The following PDE8B variants were observed in gnomAD, a reference collection of about 807,000 sequenced individuals.
PDE8B encodes high affinity cAMP-specific and IBMX-insensitive 3',5'-cyclic phosphodiesterase 8B.
A neutral mutation model predicts 101.3 loss-of-function variants in PDE8B; 26 were observed. The observed-to-expected ratio is 0.26, with a 90% CI of 0.19 to 0.36. PDE8B has a LOEUF of 0.36. PDE8B is among the 10% of genes least tolerant of loss of function. The pLI, the probability that PDE8B is intolerant of heterozygous loss-of-function variation, is 1.00. For missense variants in PDE8B, 810 were observed against 1,163.1 expected, an observed-to-expected ratio of 0.70 and a Z score of 4.42; for synonymous variants, 424 against 429.3, an observed-to-expected ratio of 0.99 and a Z score of 0.15.
chr5:77,296,190 C>T (rs1768522968), intron 1 of PDE8B, among the ~76,000 whole-genome samples: 1 of 151,496 alleles, frequency 6.6e-6, no homozygotes, highest in Non-Finnish European at 1.5e-5. Flanking sequence ...TTTTTTTCTT[C>T]TTTCTCTCCC....
At chr5:77,399,615 T>A (rs1791820504) in intron 10 of PDE8B, among the ~76,000 whole-genome samples, 2 of 152,216 alleles carry the variant, frequency 1.3e-5, no homozygotes, top group South Asian at 4.1e-4. Flanking sequence ...GAAAGCACAC[T>A]TATTATTTCT....
At chr5:77,400,671 A>G (rs982785588) in intron 11 of PDE8B, among the ~76,000 whole-genome samples, 7 of 152,160 alleles carry the variant, frequency 4.6e-5, no homozygotes, top group African/African-American at 1.7e-4. Flanking sequence ...CTTTGCACTA[A>G]TTGGTGACTG....
intron 10 of PDE8B, among the ~76,000 whole-genome samples, chr5:77,362,658 G>A (rs1330511967): frequency 6.6e-6 from 1 of 152,154 alleles, no homozygotes; most frequent in African/African-American, 2.4e-5. Flanking sequence ...ACCATCATCA[G>A]GCATCTTTGA....
At chr5:77,286,626 G>A (rs2149894643) in intron 1 of PDE8B, among the ~76,000 whole-genome samples, 1 of 152,304 alleles carries the variant, frequency 6.6e-6, no homozygotes, top group African/African-American at 2.4e-5. Flanking sequence ...ATCAGTGAGA[G>A]GGTTGGTGGT....
At chr5:77,351,617 C>G (rs953896111) in intron 9 of PDE8B, among the ~76,000 whole-genome samples, 4 of 152,188 alleles carry the variant, frequency 2.6e-5, no homozygotes, top group Non-Finnish European at 4.4e-5. Context: ...TGACCAGGAG[C>G]TGAGGGCATC....
the PDE8B span, among the ~76,000 whole-genome samples, chr5:77,160,618 T>A: frequency 6.6e-6 from 1 of 152,190 alleles, no homozygotes; most frequent in South Asian, 2.1e-4. Flanking sequence ...GTTTTACAAT[T>A]ATTTAACGGT....
At chr5:77,330,607 C>T (rs1409420236) in intron 4 of PDE8B, among the ~76,000 whole-genome samples, 1 of 152,178 alleles carries the variant, frequency 6.6e-6, no homozygotes, top group African/African-American at 2.4e-5. Context: ...GGTAATGCCA[C>T]AAGTCAGCAC....
At chr5:77,315,181 T>C (rs552669669) in intron 2 of PDE8B, among the ~76,000 whole-genome samples, 17 of 152,342 alleles carry the variant, frequency 1.1e-4, no homozygotes, top group African/African-American at 4.1e-4. Flanking sequence ...AAGAAATCTT[T>C]CACTTTTTAA....
chr5:77,326,588 A>C (rs1265210823), intron 3 of PDE8B, among the ~76,000 whole-genome samples: 1 of 152,196 alleles, frequency 6.6e-6, no homozygotes, highest in African/African-American at 2.4e-5. Flanking sequence ...AATTTTTCTT[A>C]AGCATCTGTT....
chr5:77,116,995 G>A, the PDE8B span, among the ~76,000 whole-genome samples: 4 of 152,122 alleles, frequency 2.6e-5, no homozygotes, highest in African/African-American at 9.7e-5. Context: ...TTCTACACCC[G>A]GTTTCCACCT....
chr5:77,326,487 T>C (rs923435391), intron 3 of PDE8B, among the ~76,000 whole-genome samples: 1 of 152,230 alleles, frequency 6.6e-6, no homozygotes, highest in South Asian at 2.1e-4. Context: ...TAGACTTTGG[T>C]ACCCTGACAA....
At chr5:77,266,110 T>C (rs1489940982) in intron 1 of PDE8B, among the ~76,000 whole-genome samples, 1 of 152,240 alleles carries the variant, frequency 6.6e-6, no homozygotes, top group Admixed American at 6.5e-5. Flanking sequence ...GTACAGTCGA[T>C]CCTCATTTTT....
intron 5 of PDE8B, among the ~76,000 whole-genome samples, chr5:77,336,386 GTCC>G (rs1465449184): frequency 6.6e-6 from 1 of 152,044 alleles, no homozygotes; most frequent in Admixed American, 6.6e-5. Context: ...GTCACTCCTA[GTCC>G]TCCTCCCCAC....
intron 14 of PDE8B, among the ~76,000 whole-genome samples, chr5:77,409,407 G>A (rs1794107077): frequency 1.3e-5 from 2 of 152,120 alleles, no homozygotes; most frequent in Non-Finnish European, 2.9e-5. Flanking sequence ...GTATAGTATT[G>A]GATTTCATTT....
chr5:77,321,431 G>A (rs1452475206), intron 2 of PDE8B, among the ~76,000 whole-genome samples: 1 of 152,090 alleles, frequency 6.6e-6, no homozygotes, highest in East Asian at 1.9e-4. Context: ...GATTACAAGC[G>A]TAAGCCACCA....
chr5:77,109,081 T>A, the PDE8B span, among the ~76,000 whole-genome samples: 1 of 152,202 alleles, frequency 6.6e-6, no homozygotes, highest in Non-Finnish European at 1.5e-5. Context: ...TTGAGTTTTG[T>A]TCTGAGGCAA....
intron 1 of PDE8B, among the ~76,000 whole-genome samples, chr5:77,235,990 C>G (rs1754599904): frequency 6.6e-6 from 1 of 152,126 alleles, no homozygotes; most frequent in South Asian, 2.1e-4. Flanking sequence ...GTCACACCAC[C>G]AGGAAGTGGC....
At chr5:77,139,295 A>C in the PDE8B span, 1 of 152,288 alleles carries the variant, frequency 6.6e-6, no homozygotes, top group African/African-American at 2.4e-5. Flanking sequence ...TGCTGACTGC[A>C]TCTGCCAGAT....
chr5:77,221,651 G>A (rs1178170613), intron 1 of PDE8B, among the ~76,000 whole-genome samples: 1 of 152,184 alleles, frequency 6.6e-6, no homozygotes, highest in Non-Finnish European at 1.5e-5. Flanking sequence ...TCATTGGAAT[G>A]CCTCAAGAAA....
Sources: allele counts gnomAD v4.1 joint callset (sites outside exome capture counted in the v4.1 genomes callset), GRCh38; gene constraint gnomAD v4.1.1; transcripts MANE v1.5; gene names NCBI Gene and HGNC (gene_info 2026-07-23, HGNC 2026-07-21).